ZFPM2: variants seen among roughly 807,000 people sequenced by gnomAD.
ZFPM2 encodes the protein zinc finger protein, FOG family member 2.
In ZFPM2, 20 loss-of-function variants were observed where a neutral mutation model predicts 98.6. The ratio of observed to expected loss-of-function variants is 0.20; its 90% CI spans 0.14 to 0.29. The LOEUF (loss-of-function observed/expected upper bound fraction) is 0.29, where lower values mean the gene tolerates loss of function less well. Ranked by LOEUF, ZFPM2 falls within the 10% of genes least tolerant of loss-of-function variation. The pLI, the probability that ZFPM2 is intolerant of heterozygous loss-of-function variation, is 1.00. For synonymous variants in ZFPM2, 518 were observed against 502.7 expected (o/e 1.03, Z -0.41); for missense variants, 1,310 against 1,388.6 (o/e 0.94, Z 0.90).
At chr8:105,611,447 G>C (rs1283346492) in intron 4 of ZFPM2, among the ~76,000 whole-genome samples, 1 of 152,078 alleles carries the variant, frequency 6.6e-6, no homozygotes, top group Admixed American at 6.6e-5. Context: ...TGGTGAAAAA[G>C]AGAAAAATGG....
intron 1 of ZFPM2, among the ~76,000 whole-genome samples, chr8:105,336,688 C>CCACACACACACACA (rs139930523): frequency 7.0e-6 from 1 of 142,154 alleles, no homozygotes; most frequent in Non-Finnish European, 1.6e-5. Flanking sequence ...GTAATATACT[C>CCACACACACACACA]CACACACACA....
chr8:105,662,458 A>G (rs144832376), intron 5 of ZFPM2: 8 of 152,212 alleles, frequency 5.3e-5, no homozygotes, highest in Admixed American at 3.9e-4. Flanking sequence ...TGTCAAAAAG[A>G]CAAAATAATA....
At chr8:105,697,980 T>A (rs1811058450) in intron 5 of ZFPM2, among the ~76,000 whole-genome samples, 3 of 152,176 alleles carry the variant, frequency 2.0e-5, no homozygotes, top group African/African-American at 7.2e-5. Flanking sequence ...AGCTGGTCCT[T>A]AAATTCATTT....
intron 5 of ZFPM2, among the ~76,000 whole-genome samples, chr8:105,740,542 TTATA>T (rs1337369243): frequency 6.9e-6 from 1 of 145,344 alleles, no homozygotes; most frequent in Non-Finnish European, 1.5e-5. Context: ...TATATATATA[TTATA>T]TATATATATA....
At chr8:105,771,182 C>T (rs757758761) in intron 5 of ZFPM2, among the ~76,000 whole-genome samples, 34 of 151,578 alleles carry the variant, frequency 2.2e-4, no homozygotes, top group South Asian at 1.0e-3. Flanking sequence ...GATTTTTTTT[C>T]GCCCAACTTG....
intron 5 of ZFPM2, among the ~76,000 whole-genome samples, chr8:105,686,229 C>G (rs148556218): frequency 8.5e-4 from 129 of 152,208 alleles, no homozygotes; most frequent in African/African-American, 2.9e-3. Flanking sequence ...TATGAAAACA[C>G]AGTAAACTGA....
intron 5 of ZFPM2, among the ~76,000 whole-genome samples, chr8:105,740,003 C>T (rs776974236): frequency 6.6e-6 from 1 of 151,970 alleles, no homozygotes; most frequent in African/African-American, 2.4e-5. Flanking sequence ...TAAAAATGCT[C>T]CTTAATACTG....
intron 4 of ZFPM2, among the ~76,000 whole-genome samples, chr8:105,579,724 T>C (rs1449427495): frequency 1.3e-5 from 2 of 152,196 alleles, no homozygotes; most frequent in African/African-American, 4.8e-5. Flanking sequence ...GCTTTCTCTT[T>C]GCGTAAATCC....
intron 4 of ZFPM2, among the ~76,000 whole-genome samples, chr8:105,577,551 A>G (rs1193997250): frequency 6.6e-6 from 1 of 152,040 alleles, no homozygotes; most frequent in Non-Finnish European, 1.5e-5. Flanking sequence ...ATAAATATTA[A>G]GATTGTTTCT....
chr8:105,327,173 CT>C (rs1308981023), intron 1 of ZFPM2, among the ~76,000 whole-genome samples: 10 of 151,404 alleles, frequency 6.6e-5, no homozygotes, highest in Non-Finnish European at 1.2e-4. Context: ...TAGTTGACAT[CT>C]GTATAATATT....
chr8:105,442,493 C>G (rs1156341060), intron 2 of ZFPM2, among the ~76,000 whole-genome samples: 1 of 152,150 alleles, frequency 6.6e-6, no homozygotes, highest in African/African-American at 2.4e-5. Flanking sequence ...TACCACAGTT[C>G]CTTAAACATA....
chr8:105,360,835 G>A (rs1481265173), intron 1 of ZFPM2, among the ~76,000 whole-genome samples: 1 of 135,984 alleles, frequency 7.4e-6, no homozygotes, highest in Non-Finnish European at 1.6e-5. Context: ...AGTATTCCAT[G>A]GTGTATATGT....
At chr8:105,610,179 A>G (rs1816279738) in intron 4 of ZFPM2, among the ~76,000 whole-genome samples, 1 of 152,164 alleles carries the variant, frequency 6.6e-6, no homozygotes, top group South Asian at 2.1e-4. Context: ...CGCCTTAGTA[A>G]CAATCAGAGA....
At chr8:105,591,362 T>A (rs1234340124) in intron 4 of ZFPM2, among the ~76,000 whole-genome samples, 1 of 152,146 alleles carries the variant, frequency 6.6e-6, no homozygotes, top group African/African-American at 2.4e-5. Context: ...TAGTTTTCTG[T>A]CACAGTTTGT....
At chr8:105,366,699 G>A (rs1586320174) in intron 1 of ZFPM2, among the ~76,000 whole-genome samples, 1 of 127,102 alleles carries the variant, frequency 7.9e-6, no homozygotes, top group African/African-American at 3.0e-5. Flanking sequence ...TCCCCAGAGT[G>A]TGATATTCCC....
At chr8:105,404,433 T>G (rs780228403) in intron 1 of ZFPM2, among the ~76,000 whole-genome samples, 1 of 152,142 alleles carries the variant, frequency 6.6e-6, no homozygotes, top group South Asian at 2.1e-4. Context: ...GTCTTATTAC[T>G]TGGTGATCCT....
At chr8:105,492,701 A>G (rs1048001446) in intron 3 of ZFPM2, among the ~76,000 whole-genome samples, 3 of 152,196 alleles carry the variant, frequency 2.0e-5, no homozygotes, top group Non-Finnish European at 4.4e-5. Context: ...TAGTAAATGT[A>G]ATAGTACACA....
intron 1 of ZFPM2, among the ~76,000 whole-genome samples, chr8:105,334,911 A>C (rs1048407251): frequency 4.6e-5 from 7 of 151,736 alleles, no homozygotes; most frequent in African/African-American, 1.5e-4. Flanking sequence ...TAGCAGCAGC[A>C]GCAGCAACAG....
intron 1 of ZFPM2, among the ~76,000 whole-genome samples, chr8:105,378,402 C>T: frequency 6.6e-6 from 1 of 152,152 alleles, no homozygotes; most frequent in Non-Finnish European, 1.5e-5. Context: ...TGTCTGAACT[C>T]TCAGAAGGTT....
Sources: allele counts gnomAD v4.1 joint callset (sites outside exome capture counted in the v4.1 genomes callset), GRCh38; gene constraint gnomAD v4.1.1; transcripts MANE v1.5; gene names NCBI Gene and HGNC (gene_info 2026-07-23, HGNC 2026-07-21).